Variants in FRY observed in about 807,000 individuals in gnomAD.
FRY encodes FRY microtubule binding protein.
In FRY, 128 loss-of-function variants were observed where a neutral mutation model predicts 348.4. That is an observed-to-expected ratio of 0.37 (90% CI 0.32 to 0.43). The LOEUF (loss-of-function observed/expected upper bound fraction) is 0.43, where lower values mean the gene tolerates loss of function less well. Among genes scored for constraint, FRY ranks in the 20% least tolerant of loss-of-function variants. The probability of loss-of-function intolerance (pLI) is 1.00; values close to 1 mark genes in which losing one functional copy is unlikely to be tolerated. For synonymous variants in FRY, 1,370 were observed against 1,374.7 expected (o/e 1.00, Z 0.08); for missense variants, 2,736 against 3,695.2 (o/e 0.74, Z 6.73).
intron 5 of FRY, 84 bp downstream of exon 5, chr13:32,124,460 A>G: frequency 1.1e-6 from 1 of 915,386 alleles, no homozygotes; most frequent in Non-Finnish European, 1.7e-6. Context: ...AGTTTTTAAA[A>G]TTATTTCTGA....
chr13:32,135,032 T>C (rs781446225), intron 9 of FRY, 36 bp downstream of exon 9: 14 of 1,552,402 alleles, frequency 9.0e-6, no homozygotes, highest in Non-Finnish European at 1.2e-5. Context: ...TCAAATTGTA[T>C]CACAAAATCA....
intron 8 of FRY, among the ~76,000 whole-genome samples, chr13:32,133,768 C>CTTTTTTTTTTTTTTTTTTTTTTTTTATTT (rs34413710): frequency 1.1e-5 from 1 of 89,286 alleles, no homozygotes; most frequent in Non-Finnish European, 2.1e-5. Context: ...TTCTTTCTTT[C>CTTTTTTTTTTTTTTTTTTTTTTTTTATTT]TTTTTTTTTT....
In FRY at chr13:32,130,076, G is replaced by A. The variant is rs1004793985; in HGVS notation, c.717-1596G>A. On this transcript the variant is annotated intron_variant, in intron 7 of 60. Transcript: ENST00000542859. ...AGCCTTTTTTTTTTTTTTTTTTTCCGGTGAGACAGAGTCTTACTCTATCAC... is the reference window on the plus strand; with the variant it reads ...AGCCTTTTTTTTTTTTTTTTTTTCCAGTGAGACAGAGTCTTACTCTATCAC... Among the ~76,000 whole-genome samples the A allele has an allele frequency of 2.1e-3, 260 of 122,084 alleles. 3 individuals are homozygous for A. Among genetic ancestry groups the A allele is most frequent in the African/African-American group, 8.5e-3 (254 of 29,952 alleles). The allele number at this position is 122,084 out of a possible 152,430, so 80.1% of individuals were successfully genotyped here. A position where few individuals can be genotyped will look rare whatever the true frequency, so the allele number is the denominator to read the frequency against.
intron 16 of FRY, among the ~76,000 whole-genome samples, chr13:32,159,678 C>T (rs761804898): frequency 2.0e-5 from 3 of 152,126 alleles, no homozygotes; most frequent in Non-Finnish European, 2.9e-5. Context: ...TGGCAGAGTT[C>T]GCCCTTACAC....
At chr13:32,102,584 A>C (rs1877236940) in intron 3 of FRY, among the ~76,000 whole-genome samples, 1 of 152,206 alleles carries the variant, frequency 6.6e-6, no homozygotes, top group African/African-American at 2.4e-5. Context: ...AAAATAATAC[A>C]TGAACAAAAT....
chr13:32,179,543 T>TGTGTGTGTGTGTGTGTGTG, intron 22 of FRY, 132 bp from the exon 23 acceptor site: 1 of 332,670 alleles, frequency 3.0e-6, no homozygotes, highest in Non-Finnish European at 5.7e-6. Flanking sequence ...GTGTGTGTGT[T>TGTGTGTGTGTGTGTGTGTG]TCCTGAAATG....
At chr13:32,137,116 G>A (rs1309831232) in intron 11 of FRY, 144 bp downstream of exon 11, 1 of 666,056 alleles carries the variant, frequency 1.5e-6, no homozygotes. Flanking sequence ...ATATTAATAA[G>A]AGTTCTTATT....
chr13:32,171,592 G>A (rs973891874), intron 18 of FRY, among the ~76,000 whole-genome samples: 3 of 152,090 alleles, frequency 2.0e-5, no homozygotes, highest in Non-Finnish European at 4.4e-5. Context: ...GATTACAGGT[G>A]TGAGCCACCA....
chr13:32,152,116 T>G (rs1380513868), intron 14 of FRY, among the ~76,000 whole-genome samples: 3 of 152,162 alleles, frequency 2.0e-5, no homozygotes, highest in African/African-American at 7.2e-5. Flanking sequence ...AAGACCCAAA[T>G]AGTGAAGAGA....
chr13:32,252,530 T>G (rs1373737994), intron 50 of FRY, among the ~76,000 whole-genome samples: 1 of 152,216 alleles, frequency 6.6e-6, no homozygotes, highest in Non-Finnish European at 1.5e-5. Context: ...TAGAAAAAAT[T>G]GAATTAGGTA....
At position 32,178,827 on chromosome 13, in the gene FRY, C is replaced by T. The variant is rs767426259; in HGVS notation, c.2682-17C>T. 3.2e-5 allele frequency: 51 copies of T among 1,574,976 alleles called. No individual in the cohort carries two copies. The highest frequency in any genetic ancestry group is 3.8e-5 in the Non-Finnish European group (43 of 1,144,534). On this transcript the variant is annotated splice_polypyrimidine_tract_variant and intron_variant, in intron 21 of 60. Coordinates refer to ENST00000542859, the MANE Select transcript of FRY (RefSeq NM_023037.3). Reference sequence around the variant, plus strand: ...CAGAACTTAGTTTCACTCTTGTTTTCGACTCCATATTTCTAGTAGCCCAAT... The same window carrying T: ...CAGAACTTAGTTTCACTCTTGTTTTTGACTCCATATTTCTAGTAGCCCAAT...
intron 1 of FRY, among the ~76,000 whole-genome samples, chr13:32,054,732 G>T (rs559953631): frequency 6.6e-6 from 1 of 152,034 alleles, no homozygotes; most frequent in Non-Finnish European, 1.5e-5. Flanking sequence ...GAAATTAGCC[G>T]GGCATGGTGG....
intron 40 of FRY, 124 bp downstream of exon 40, chr13:32,228,778 A>G: frequency 1.2e-6 from 1 of 807,484 alleles, no homozygotes; most frequent in Non-Finnish European, 2.2e-6. Flanking sequence ...TTCTCTTCTC[A>G]ATTGCAACTG....
intron 22 of FRY, 87 bp downstream of exon 22, chr13:32,179,120 C>T: frequency 1.1e-6 from 1 of 951,302 alleles, no homozygotes; most frequent in Non-Finnish European, 1.7e-6. Context: ...TTGCACTGTG[C>T]CTGCCATCTG....
intron 2 of FRY, among the ~76,000 whole-genome samples, chr13:32,095,498 C>A (rs888483394): frequency 1.3e-5 from 2 of 152,060 alleles, no homozygotes; most frequent in African/African-American, 4.8e-5. Context: ...AGGCGTGCGC[C>A]CCCAGCCCAG....
At chr13:32,294,906 G>C (rs958294930) in intron 60 of FRY, among the ~76,000 whole-genome samples, 2 of 152,070 alleles carry the variant, frequency 1.3e-5, no homozygotes, top group East Asian at 3.8e-4. Flanking sequence ...AAACCAGAAG[G>C]CTATAGCAAA....
intron 3 of FRY, among the ~76,000 whole-genome samples, chr13:32,107,832 T>C (rs555514662): frequency 7.1e-4 from 108 of 152,270 alleles, no homozygotes; most frequent in South Asian, 1.2e-3. Context: ...TCCCTTCTGG[T>C]CCATGCTAGT....
At chr13:32,162,648 C>T (rs1358469045) in intron 17 of FRY, among the ~76,000 whole-genome samples, 1 of 152,154 alleles carries the variant, frequency 6.6e-6, no homozygotes, top group Non-Finnish European at 1.5e-5. Context: ...TGAAGGTTTC[C>T]TGAAGGTCTG....
chr13:32,277,848 A>T (rs750378243), intron 57 of FRY, among the ~76,000 whole-genome samples: 3 of 152,194 alleles, frequency 2.0e-5, no homozygotes, highest in Non-Finnish European at 4.4e-5. Flanking sequence ...CTGGTTGGTG[A>T]ACTAATCTAG....
Sources: gnomAD v4.1 joint callset for allele counts (sites outside exome capture counted in the v4.1 genomes callset) on GRCh38, gnomAD v4.1.1 for gene constraint, MANE v1.5 for transcripts, NCBI Gene and HGNC (gene_info 2026-07-23, HGNC 2026-07-21) for gene names.